The following ETV1 variants were observed in gnomAD, a reference collection of about 807,000 sequenced individuals.
ETV1 encodes ETS translocation variant 1.
In ETV1, 27 loss-of-function variants were observed where a neutral mutation model predicts 62.3. That is an observed-to-expected ratio of 0.43 (90% CI 0.32 to 0.60). The LOEUF (loss-of-function observed/expected upper bound fraction) is 0.60, where lower values mean the gene tolerates loss of function less well. Ranked by LOEUF, ETV1 falls within the 20% of genes least tolerant of loss-of-function variation. ETV1 has a pLI of 0.06. For missense variants in ETV1, 605 were observed against 605.8 expected (o/e 1.00, Z 0.01); for synonymous variants, 222 against 199.6 (o/e 1.11, Z -0.94).
intron 5 of ETV1, among the ~76,000 whole-genome samples, chr7:13,985,134 C>A: frequency 6.6e-6 from 1 of 152,122 alleles, no homozygotes. Context: ...TTTGGAGAAG[C>A]AAATAAATTC....
At position 13,916,017 on chromosome 7, in the gene ETV1, C is replaced by CATCTTAGTTACTGAACTGGATGT. The variant is rs1373291785; in HGVS notation, c.803-4711_803-4710insACATCCAGTTCAGTAACTAAGAT. Among the ~76,000 whole-genome samples, 3 of 150,262 alleles carry CATCTTAGTTACTGAACTGGATGT rather than the reference C, an allele frequency of 2.0e-5. 1 individual carries two copies. Among genetic ancestry groups the CATCTTAGTTACTGAACTGGATGT allele is most frequent in the East Asian group, 1.9e-4 (1 of 5,162 alleles). ...AACATCTTAGTTACTGAACTGGATG[C>CATCTTAGTTACTGAACTGGATGT]GAATGTAACATCTTAGTTACTGAAC... is the stretch of plus-strand genomic sequence containing the variant. On this transcript the variant is annotated intron_variant, in intron 9 of 13. Transcript: ENST00000430479.
chr7:13,907,950 T>A (rs901173877), intron 11 of ETV1: 38 of 383,588 alleles, frequency 9.9e-5, no homozygotes, highest in Middle Eastern at 8.0e-4. Context: ...TATCTTCATA[T>A]CGATTTCAAT....
intron 9 of ETV1, among the ~76,000 whole-genome samples, chr7:13,916,884 A>G (rs1443351920): frequency 6.6e-6 from 1 of 151,874 alleles, no homozygotes; most frequent in Non-Finnish European, 1.5e-5. Flanking sequence ...GTGAGCCCAG[A>G]TCATACTACT....
chr7:13,984,151 G>GT (rs764328155), intron 5 of ETV1, among the ~76,000 whole-genome samples: 2 of 151,924 alleles, frequency 1.3e-5, no homozygotes, highest in Non-Finnish European at 1.5e-5. Flanking sequence ...TTTTAGACCT[G>GT]TTTAACTTCC....
rs577222571 is a variant in ETV1 at position 13,931,608 on chromosome 7, G to A, written c.696C>T (p.His232=). 25 of 1,613,942 alleles carry A rather than the reference G, an allele frequency of 1.5e-5. No homozygotes were observed. Among genetic ancestry groups the A allele is most frequent in the African/African-American group, 5.3e-5 (4 of 74,942 alleles). Residue 232 remains histidine (H), a synonymous_variant, in exon 9 of 14, where the codon CAC becomes CAT. Transcript: ENST00000430479. The part of the protein sequence containing the change: ...FPPQGFKQEY[H]DPVYEHNTMV... ...TGGTGTTGTGTTCATACACTGGGTC[G>A]TGGTACTCCTGCTTAAAGCCTTGTG...
rs181637804 is a variant in ETV1, at chr7:13,907,235, G to T, written c.941-636C>A. On this transcript the variant is annotated intron_variant, in intron 11 of 13. Coordinates refer to ENST00000430479, the MANE Select transcript of ETV1 (RefSeq NM_004956.5). The stretch of plus-strand genomic sequence containing the variant: ...ATCGTAGTACTACCCTTCCTTCACC[G>T]CATCATATACCTTCCTATTAAAGCT... Among the ~76,000 whole-genome samples, 676 of 152,090 alleles carry T rather than the reference G, an allele frequency of 4.4e-3. 2 individuals are homozygous for T. The highest frequency in any genetic ancestry group is 8.7e-3 in the Admixed American group (133 of 15,268).
chr7:13,958,606 G>A (rs1443848669), intron 6 of ETV1, among the ~76,000 whole-genome samples: 4 of 152,124 alleles, frequency 2.6e-5, no homozygotes, highest in Non-Finnish European at 4.4e-5. Flanking sequence ...TGGGCAAACT[G>A]TTTTGCTCCC....
intron 6 of ETV1, among the ~76,000 whole-genome samples, chr7:13,945,453 T>C (rs1419043293): frequency 1.3e-5 from 2 of 152,098 alleles, no homozygotes; most frequent in African/African-American, 4.8e-5. Context: ...ATTTTTTTTT[T>C]TTCTAATCAT....
At chr7:13,939,473 C>T (rs1172749742) in intron 6 of ETV1, among the ~76,000 whole-genome samples, 8 of 152,170 alleles carry the variant, frequency 5.3e-5, no homozygotes, top group Non-Finnish European at 1.2e-4. Context: ...AATTTTCTCT[C>T]ATTACTTAAG....
At chr7:13,907,545 C>CA (rs34369528) in intron 11 of ETV1, among the ~76,000 whole-genome samples, 15,664 of 150,260 alleles carry the variant, frequency 0.1, 1,054 homozygotes, top group East Asian at 0.26. Flanking sequence ...ATTAATTTTA[C>CA]AAAAAAAAAT....
chr7:13,903,594 C>T (rs1385129216), intron 12 of ETV1, among the ~76,000 whole-genome samples: 1 of 151,802 alleles, frequency 6.6e-6, no homozygotes. Context: ...GAAACCCCGT[C>T]CCTACTAAAA....
intron 6 of ETV1, among the ~76,000 whole-genome samples, chr7:13,966,121 A>G (rs975962154): frequency 6.6e-6 from 1 of 152,320 alleles, no homozygotes; most frequent in African/African-American, 2.4e-5. Flanking sequence ...ATCTTAAAGA[A>G]CAAATATGAT....
At position 13,894,265 on chromosome 7, in the gene ETV1, CT is replaced by C. The variant is rs1246748428; in HGVS notation, c.*1600del. On this transcript the variant is annotated 3_prime_UTR_variant, in exon 14 of 14. Coordinates refer to ENST00000430479, the MANE Select transcript of ETV1 (RefSeq NM_004956.5). ...TCCCTTGCTTGAATCTTTTAGCGAG[CT>C]ATTCAGAGATTCTATATCCCCATTT... 4.4e-6 allele frequency: 1 copy of C among 229,400 alleles called. No individual in the cohort carries two copies. The highest frequency in any genetic ancestry group is 8.6e-6 in the Non-Finnish European group (1 of 116,254). 14.2% of individuals were successfully genotyped at this position (229,400 alleles called of 1,614,324 possible). A position where few individuals can be genotyped will look rare whatever the true frequency, so the allele number is the denominator to read the frequency against.
intron 6 of ETV1, among the ~76,000 whole-genome samples, chr7:13,971,283 T>G (rs1021345522): frequency 6.6e-6 from 1 of 152,184 alleles, no homozygotes; most frequent in Non-Finnish European, 1.5e-5. Flanking sequence ...AATGCTATTC[T>G]TAAAACCAGA....
chr7:13,966,328 T>C (rs1411854028), intron 6 of ETV1, among the ~76,000 whole-genome samples: 1 of 152,078 alleles, frequency 6.6e-6, no homozygotes, highest in East Asian at 1.9e-4. Flanking sequence ...GAGTACATTT[T>C]GTTAAAATAA....
chr7:13,947,022 C>A (rs566970536), intron 6 of ETV1, among the ~76,000 whole-genome samples: 1 of 152,094 alleles, frequency 6.6e-6, no homozygotes. Flanking sequence ...AACTCCAGAC[C>A]GCCTCGGCCT....
rs74810016 is a variant in ETV1 at position 13,961,441 on chromosome 7, T to A, written c.235+15986A>T. Among the ~76,000 whole-genome samples, 502 of 152,304 alleles carry A rather than the reference T, an allele frequency of 3.3e-3. 15 individuals carry two copies. In the East Asian group the frequency reaches 0.07, roughly 21 times the overall value. On this transcript the variant is annotated intron_variant, in intron 6 of 13. Transcript: ENST00000430479. The stretch of plus-strand genomic sequence containing the variant: ...TGTGGATTCATTTTTATTATTTAAA[T>A]AGCAATGATCATAAAATTAGCACCC...
Position 13,899,954 on chromosome 7 carries a change from C to T in ETV1, c.1212+784G>A, listed in dbSNP as rs181109687. Among the ~76,000 whole-genome samples the T allele has an allele frequency of 2.0e-4, 31 of 152,270 alleles. No individual in the cohort carries two copies. The East Asian group carries it at 5.4e-3, about 27-fold the overall frequency. On this transcript the variant is annotated intron_variant, in intron 13 of 13. Coordinates refer to ENST00000430479, the MANE Select transcript of ETV1 (RefSeq NM_004956.5). ...GACCAGCCTGGCCAATATGGCGAAA[C>T]GCCATCTCTTCTAAGAACACAAAAA...
At chr7:13,975,365 T>A (rs1235677742) in intron 6 of ETV1, among the ~76,000 whole-genome samples, 1 of 151,572 alleles carries the variant, frequency 6.6e-6, no homozygotes, top group Non-Finnish European at 1.5e-5. Context: ...GCCAACACAG[T>A]GAAACCCCAA....
Sources: gnomAD v4.1 joint callset for allele counts (sites outside exome capture counted in the v4.1 genomes callset) on GRCh38, gnomAD v4.1.1 for gene constraint, MANE v1.5 for transcripts, NCBI Gene and HGNC (gene_info 2026-07-23, HGNC 2026-07-21) for gene names.